Variants in DYM observed in about 807,000 individuals in gnomAD.
DYM encodes dymeclin, also known as dyggve-Melchior-Clausen syndrome protein.
Under a neutral mutation model 93.1 loss-of-function variants are expected in DYM, and 78 were observed. The ratio of observed to expected loss-of-function variants is 0.84; its 90% CI spans 0.70 to 1.01. The LOEUF (loss-of-function observed/expected upper bound fraction) is 1.01, where lower values mean the gene tolerates loss of function less well. DYM is among the 50% of genes least tolerant of loss of function. The pLI, the probability that DYM is intolerant of heterozygous loss-of-function variation, is 0.00. For missense variants in DYM, 789 were observed against 845.0 expected, an observed-to-expected ratio of 0.93 and a Z score of 0.82; for synonymous variants, 321 against 319.7, an observed-to-expected ratio of 1.00 and a Z score of -0.04.
chr18:49,190,573 T>C (rs1040184993), intron 14 of DYM, among the ~76,000 whole-genome samples: 1 of 152,194 alleles, frequency 6.6e-6, no homozygotes, highest in Admixed American at 6.5e-5. Context: ...ATGTGCTACC[T>C]GAAAATAAAT....
intron 5 of DYM, among the ~76,000 whole-genome samples, chr18:49,364,986 A>T (rs1325763744): frequency 1.3e-5 from 2 of 152,082 alleles, no homozygotes; most frequent in African/African-American, 4.8e-5. Context: ...TTATGCCATC[A>T]TTTTTTGTCT....
intron 8 of DYM, among the ~76,000 whole-genome samples, chr18:49,326,991 CCGTG>C (rs890098394): frequency 1.2e-5 from 1 of 82,818 alleles, no homozygotes; most frequent in Non-Finnish European, 2.1e-5. Flanking sequence ...TTTTAAAAAA[CCGTG>C]TGTGTGTGTG....
rs371468712 is a variant in DYM at position 49,294,555 on chromosome 18, C to A, written c.764-7939G>T. 5.3e-5 allele frequency among the ~76,000 whole-genome samples: 8 copies of A among 152,152 alleles called. No homozygotes were observed. In the East Asian group the frequency reaches 1.4e-3, roughly 26 times the overall value. On this transcript the variant is annotated intron_variant, in intron 8 of 17. Coordinates refer to ENST00000675505, the MANE Select transcript of DYM (RefSeq NM_001353214.3). Reference sequence around the variant, plus strand: ...CTGACTGAAGACTACTTATCCTTAACATTCAAAATGTGAAGAGGACATAAA... The same window carrying A: ...CTGACTGAAGACTACTTATCCTTAAAATTCAAAATGTGAAGAGGACATAAA...
At chr18:49,377,190 T>C (rs906384020) in intron 5 of DYM, among the ~76,000 whole-genome samples, 7 of 152,238 alleles carry the variant, frequency 4.6e-5, no homozygotes, top group Non-Finnish European at 8.8e-5. Context: ...CATCTAAAAA[T>C]AGTTTTAAGA....
At chr18:49,257,161 A>T in intron 12 of DYM, 57 bp from the exon 13 acceptor site, 1 of 1,327,906 alleles carries the variant, frequency 7.5e-7, no homozygotes, top group Non-Finnish European at 1.1e-6. Context: ...TATTTTAACC[A>T]AGGTTAACTA....
chr18:49,141,314 G>A (rs1244350920), intron 15 of DYM, among the ~76,000 whole-genome samples: 3 of 152,018 alleles, frequency 2.0e-5, no homozygotes, highest in African/African-American at 7.2e-5. Context: ...TTTTTCAAAG[G>A]TACATCAGGC....
At chr18:49,202,303 G>A (rs149005481) in intron 14 of DYM, among the ~76,000 whole-genome samples, 1,641 of 152,332 alleles carry the variant, frequency 0.011, 29 homozygotes, top group African/African-American at 0.038. Flanking sequence ...CAACAGAAAA[G>A]AACTCTAGGG....
At chr18:49,120,809 T>C (rs998823877) in intron 15 of DYM, among the ~76,000 whole-genome samples, 1 of 152,172 alleles carries the variant, frequency 6.6e-6, no homozygotes, top group Non-Finnish European at 1.5e-5. Flanking sequence ...ACAATTTACC[T>C]CTGTCTTTCT....
At chr18:49,440,987 A>AAATATATT (rs2081384002) in intron 1 of DYM, among the ~76,000 whole-genome samples, 1 of 2,438 alleles carries the variant, frequency 4.1e-4, no homozygotes, top group African/African-American at 1.3e-3. Context: ...TATTATATAT[A>AAATATATT]ATATATAATA....
At chr18:49,428,207 CA>C (rs1380925430) in intron 2 of DYM, among the ~76,000 whole-genome samples, 1 of 149,876 alleles carries the variant, frequency 6.7e-6, no homozygotes, top group Admixed American at 6.7e-5. Flanking sequence ...CTTGTAATCC[CA>C]GCACTTTGGG....
At chr18:49,437,190 A>G (rs1206438372) in intron 1 of DYM, among the ~76,000 whole-genome samples, 1 of 152,226 alleles carries the variant, frequency 6.6e-6, no homozygotes, top group African/African-American at 2.4e-5. Flanking sequence ...ACTCAGAGAA[A>G]ACATTCACAG....
chr18:49,409,004 G>C (rs1332394841), intron 2 of DYM, among the ~76,000 whole-genome samples: 1 of 152,136 alleles, frequency 6.6e-6, no homozygotes, highest in African/African-American at 2.4e-5. Context: ...GTAAATGTGG[G>C]CTGGGCACAG....
intron 17 of DYM, among the ~76,000 whole-genome samples, chr18:49,079,720 G>A (rs113710055): frequency 0.1 from 15,644 of 151,096 alleles, 1,032 homozygotes; most frequent in East Asian, 0.25. Flanking sequence ...CAGGGTTGGG[G>A]GTAAGGTCAC....
At chr18:49,281,910 A>T in intron 10 of DYM, 87 bp downstream of exon 10, 1 of 1,336,816 alleles carries the variant, frequency 7.5e-7, no homozygotes, top group African/African-American at 1.5e-5. Flanking sequence ...ATATGTAACT[A>T]ACCTGCACGC....
chr18:49,442,480 G>A (rs1425670940), intron 1 of DYM, among the ~76,000 whole-genome samples: 1 of 152,058 alleles, frequency 6.6e-6, no homozygotes, highest in African/African-American at 2.4e-5. Flanking sequence ...GAGCCTGAGA[G>A]GTCAAGGCTG....
chr18:49,109,241 G>A (rs1400601335), intron 16 of DYM, among the ~76,000 whole-genome samples: 1 of 152,088 alleles, frequency 6.6e-6, no homozygotes, highest in Admixed American at 6.5e-5. Flanking sequence ...TAAATACATG[G>A]ATGGATTTTT....
intron 2 of DYM, among the ~76,000 whole-genome samples, chr18:49,427,125 T>G (rs2074371313): frequency 6.6e-6 from 1 of 152,162 alleles, no homozygotes; most frequent in African/African-American, 2.4e-5. Flanking sequence ...TGATCAATCT[T>G]AGCATGATAA....
chr18:49,107,818 T>G (rs530172535), intron 16 of DYM, among the ~76,000 whole-genome samples: 1 of 152,280 alleles, frequency 6.6e-6, no homozygotes, highest in East Asian at 1.9e-4. Context: ...CTGCCCCTAC[T>G]GGGGGGTGCC....
chr18:49,156,615 C>G (rs8091000), intron 15 of DYM, among the ~76,000 whole-genome samples: 19,642 of 151,294 alleles, frequency 0.13, 1,570 homozygotes, highest in East Asian at 0.29. Flanking sequence ...GCCTATAGTC[C>G]CAGCTACTTG....
Sources: gnomAD v4.1 joint callset for allele counts (sites outside exome capture counted in the v4.1 genomes callset) on GRCh38, gnomAD v4.1.1 for gene constraint, MANE v1.5 for transcripts, NCBI Gene and HGNC (gene_info 2026-07-23, HGNC 2026-07-21) for gene names.